CUX1: variants seen among roughly 807,000 people sequenced by gnomAD.
The protein encoded by CUX1 is protein CASP.
In CUX1, 31 loss-of-function variants were observed where a neutral mutation model predicts 158.8. The ratio of observed to expected loss-of-function variants is 0.20; its 90% CI spans 0.15 to 0.26. CUX1 has a LOEUF of 0.26. Ranked by LOEUF, CUX1 falls within the 10% of genes least tolerant of loss-of-function variation. The probability of loss-of-function intolerance (pLI) is 1.00; values close to 1 mark genes in which losing one functional copy is unlikely to be tolerated. For missense variants in CUX1, 1,589 were observed against 2,014.6 expected, an observed-to-expected ratio of 0.79 and a Z score of 4.04; for synonymous variants, 879 against 862.1, an observed-to-expected ratio of 1.02 and a Z score of -0.34.
Position 102,243,666 on chromosome 7 carries a change from A to AATAATG in CUX1, c.3887+4087_3887+4088insGATAAT, listed in dbSNP as rs1800481143. Reference sequence around the variant, plus strand: ...TAATAATAATAATAATAATAATAATAATAATAATAATAAAATAAATGAAGG... The same window carrying AATAATG: ...TAATAATAATAATAATAATAATAATAATAATGATAATAATAATAAAATAAATGAAGG... On this transcript the variant is annotated intron_variant, in intron 23 of 23. Coordinates refer to ENST00000292535, the MANE Select transcript of CUX1 (RefSeq NM_181552.4). Among the ~76,000 whole-genome samples, 4 of 147,120 alleles carry AATAATG rather than the reference A, an allele frequency of 2.7e-5. No individual in the cohort carries two copies. The South Asian group carries it at 8.5e-4, about 31-fold the overall frequency.
At chr7:101,928,022 C>T (rs183158180) in intron 2 of CUX1, among the ~76,000 whole-genome samples, 3 of 152,270 alleles carry the variant, frequency 2.0e-5, no homozygotes, top group South Asian at 2.1e-4. Flanking sequence ...AGCCATGTGT[C>T]GCTTCCTTCA....
Position 101,817,660 on chromosome 7 carries a change from CAGGTTGA to C in CUX1, c.26_30+2del. ...GGTGGATGTTGTGCGTAGCCGGAGCCAGGTTGAAGGTGAGCGGCGTGTGGGCCAGAAG... is the reference window on the plus strand; with the variant it reads ...GGTGGATGTTGTGCGTAGCCGGAGCCAGGTGAGCGGCGTGTGGGCCAGAAG... On this transcript the variant is annotated frameshift_variant and splice_region_variant, in exon 1 of 24. Transcript: ENST00000292535. LOFTEE classifies it high-confidence loss of function. This position sits in a 1 kb window ranked among gnomAD's most constrained non-coding sequence, Gnocchi z 4.1. 1 of 1,552,450 alleles carries C rather than the reference CAGGTTGA, an allele frequency of 6.4e-7. No individual in the cohort carries two copies. The highest frequency in any genetic ancestry group is 8.7e-7 in the Non-Finnish European group (1 of 1,147,890).
At chr7:102,093,157 C>CTT (rs34712960) in intron 4 of CUX1, among the ~76,000 whole-genome samples, 2 of 120,756 alleles carry the variant, frequency 1.7e-5, no homozygotes, top group East Asian at 2.6e-4. Flanking sequence ...AAAACAGAAG[C>CTT]TTTTTTTTTT....
At chr7:101,879,202 G>A (rs761359162) in intron 1 of CUX1, among the ~76,000 whole-genome samples, 3 of 152,124 alleles carry the variant, frequency 2.0e-5, no homozygotes, top group Non-Finnish European at 4.4e-5. Flanking sequence ...CCCAGGAGGA[G>A]TCCCTGGGGT....
At chr7:102,113,823 C>T (rs1831184260) in intron 7 of CUX1, among the ~76,000 whole-genome samples, 1 of 152,106 alleles carries the variant, frequency 6.6e-6, no homozygotes, top group African/African-American at 2.4e-5. Context: ...ACCTCAGTGT[C>T]CCAAAATGCT....
At chr7:101,836,120 AT>A (rs1210477006) in intron 1 of CUX1, among the ~76,000 whole-genome samples, 1 of 152,042 alleles carries the variant, frequency 6.6e-6, no homozygotes, top group African/African-American at 2.4e-5. Context: ...CATTGATTCT[AT>A]TTTTTTGTAG....
intron 9 of CUX1, among the ~76,000 whole-genome samples, chr7:102,168,932 T>TTTTTTTTTG (rs1791402448): frequency 9.6e-6 from 1 of 103,936 alleles, no homozygotes; most frequent in African/African-American, 4.4e-5. Flanking sequence ...TCTTTTCTTT[T>TTTTTTTTTG]ATTTTCTTTT....
intron 3 of CUX1, among the ~76,000 whole-genome samples, chr7:102,041,021 G>T (rs6973898): frequency 0.18 from 26,807 of 151,972 alleles, 2,800 homozygotes; most frequent in Middle Eastern, 0.25. Context: ...GGGCACAGTG[G>T]CTCATGCCTG....
At chr7:101,958,007 G>A (rs1474673128) in intron 2 of CUX1, among the ~76,000 whole-genome samples, 2 of 152,114 alleles carry the variant, frequency 1.3e-5, no homozygotes, top group African/African-American at 4.8e-5. Flanking sequence ...GGGATCTCTG[G>A]TACCCATCTC....
intron 2 of CUX1, among the ~76,000 whole-genome samples, chr7:101,928,742 C>T (rs1433154985): frequency 1.3e-5 from 2 of 149,294 alleles, no homozygotes; most frequent in East Asian, 2.0e-4. Context: ...GCGATCTCGG[C>T]TCACTGCAAG....
chr7:102,050,844 G>A (rs2130072022), intron 3 of CUX1, among the ~76,000 whole-genome samples: 1 of 152,004 alleles, frequency 6.6e-6, no homozygotes, highest in Admixed American at 6.6e-5. Flanking sequence ...CTGGGACTAT[G>A]GGCACATGCC....
intron 21 of CUX1, among the ~76,000 whole-genome samples, chr7:102,230,329 A>G: frequency 6.6e-6 from 1 of 151,600 alleles, no homozygotes; most frequent in East Asian, 1.9e-4. Context: ...AAAATTTTTT[A>G]AAAATTATTA....
At chr7:102,131,156 A>G (rs1365028988) in intron 8 of CUX1, among the ~76,000 whole-genome samples, 1 of 151,944 alleles carries the variant, frequency 6.6e-6, no homozygotes, top group Non-Finnish European at 1.5e-5. Flanking sequence ...TAATGAATAT[A>G]TAGATGACCG....
chr7:102,136,067 A>G (rs1554498654), intron 8 of CUX1, among the ~76,000 whole-genome samples: 1 of 152,038 alleles, frequency 6.6e-6, no homozygotes, highest in Non-Finnish European at 1.5e-5. Context: ...TTATTATATC[A>G]TATAAAATAA....
chr7:102,058,493 G>A (rs1031780552), intron 3 of CUX1, among the ~76,000 whole-genome samples: 1 of 151,882 alleles, frequency 6.6e-6, no homozygotes, highest in African/African-American at 2.4e-5. Flanking sequence ...ATGGTGGCCA[G>A]GCTGGTCTCA....
intron 18 of CUX1, among the ~76,000 whole-genome samples, chr7:102,278,895 C>A (rs1312391864): frequency 5.3e-5 from 8 of 151,470 alleles, no homozygotes; most frequent in African/African-American, 1.9e-4. Context: ...CAAAAATTAG[C>A]CAGGCATCGT....
In CUX1 at chr7:102,168,085, T is replaced by TA. The variant is rs782348372; in HGVS notation, c.724-2345dup. Among the ~76,000 whole-genome samples the TA allele has an allele frequency of 9.2e-3, 1,183 of 128,992 alleles. 8 individuals carry two copies. The highest frequency in any genetic ancestry group is 0.022 in the African/African-American group (758 of 35,002). 84.6% of individuals were successfully genotyped at this position (128,992 alleles called of 152,430 possible). On this transcript the variant is annotated intron_variant, in intron 9 of 23. Transcript: ENST00000292535. ...AGAATGAGATTCCATCTCAGGAAAT[T>TA]AAAAAAAAAAAAAAAACCAGTTGAT...
chr7:101,825,910 C>T (rs1434106262), intron 1 of CUX1, among the ~76,000 whole-genome samples: 1 of 151,948 alleles, frequency 6.6e-6, no homozygotes. Flanking sequence ...ACTGCCCATT[C>T]GAAACAGGTC....
intron 4 of CUX1, among the ~76,000 whole-genome samples, chr7:102,076,380 C>G (rs1826723092): frequency 6.7e-6 from 1 of 149,230 alleles, no homozygotes; most frequent in African/African-American, 2.4e-5. Flanking sequence ...GCAAGACTGT[C>G]TAAAAAATAA....
Sources: allele counts gnomAD v4.1 joint callset (sites outside exome capture counted in the v4.1 genomes callset), GRCh38; gene constraint gnomAD v4.1.1; non-coding constraint Gnocchi (gnomAD v3.1); transcripts MANE v1.5; gene names NCBI Gene and HGNC (gene_info 2026-07-23, HGNC 2026-07-21).